WNT10A: variants seen among roughly 807,000 people sequenced by gnomAD.
WNT10A encodes the protein protein Wnt-10a.
Under a neutral mutation model 36.1 loss-of-function variants are expected in WNT10A, and 37 were observed. That is an observed-to-expected ratio of 1.02 (90% CI 0.79 to 1.35). The LOEUF is 1.35. Ranked by LOEUF, WNT10A falls within the 40% of genes most tolerant of loss-of-function variation. The pLI, the probability that WNT10A is intolerant of heterozygous loss-of-function variation, is 0.00. For missense variants in WNT10A, 613 were observed against 601.4 expected (o/e 1.02, Z -0.20); for synonymous variants, 255 against 254.1 (o/e 1.00, Z -0.03).
chr2:218,890,787 C>G (rs1367940812), intron 3 of WNT10A, among the ~76,000 whole-genome samples: 1 of 152,160 alleles, frequency 6.6e-6, no homozygotes, highest in Non-Finnish European at 1.5e-5. Flanking sequence ...ATCCAGTGAT[C>G]TCTCCCAGCC....
At chr2:218,882,023 G>A in intron 1 of WNT10A, 138 bp from the exon 2 acceptor site, 3 of 1,150,284 alleles carry the variant, frequency 2.6e-6, no homozygotes, top group South Asian at 1.5e-5. Context: ...GTGTAGGAGT[G>A]TACTGATGGG....
chr2:218,890,090 G>T lies in WNT10A; in HGVS notation c.483G>T (p.Ala161=). The T allele has an allele frequency of 6.2e-7, 1 of 1,614,170 alleles. No individual in the cohort carries two copies. Among genetic ancestry groups the T allele is most frequent in the African/African-American group, 1.3e-5 (1 of 75,070 alleles). Residue 161 remains alanine (A), a synonymous_variant, in exon 3 of 4, where the codon GCG becomes GCT. Transcript: ENST00000258411. ...AACTGAAGGCCTGTGGCTGTGATGCGTCCCGGCGAGGGGACGAGGAGGCCT... is the reference window on the plus strand; with the variant it reads ...AACTGAAGGCCTGTGGCTGTGATGCTTCCCGGCGAGGGGACGAGGAGGCCT... The part of the protein sequence containing the change: ...LGKLKACGCD[A]SRRGDEEAFR...
chr2:218,888,032 G>A (rs1348230435), intron 2 of WNT10A, among the ~76,000 whole-genome samples: 2 of 152,198 alleles, frequency 1.3e-5, no homozygotes. Context: ...CTACTAAACA[G>A]CTTGTTCTGT....
At chr2:218,884,589 C>T (rs1229381014) in intron 2 of WNT10A, among the ~76,000 whole-genome samples, 2 of 152,194 alleles carry the variant, frequency 1.3e-5, no homozygotes, top group Non-Finnish European at 2.9e-5. Flanking sequence ...CTCTGTGCTT[C>T]TGGAAATAAA....
intron 2 of WNT10A, among the ~76,000 whole-genome samples, chr2:218,887,074 A>C (rs765103290): frequency 5.9e-5 from 9 of 152,228 alleles, no homozygotes; most frequent in Non-Finnish European, 1.3e-4. Flanking sequence ...TGCCATGCAC[A>C]GACAAGTCGA....
chr2:218,888,424 G>A (rs1002335712), intron 2 of WNT10A, among the ~76,000 whole-genome samples: 3 of 152,234 alleles, frequency 2.0e-5, no homozygotes, highest in African/African-American at 7.2e-5. Context: ...CGGCCTAGCC[G>A]CGGCCCCCAA....
chr2:218,892,564 C>G (rs1238876125), intron 3 of WNT10A, among the ~76,000 whole-genome samples: 1 of 152,134 alleles, frequency 6.6e-6, no homozygotes, highest in Non-Finnish European at 1.5e-5. Context: ...CGGGGCCTGG[C>G]CTGGTGGGAG....
chr2:218,882,556 C>T (rs868265160), intron 2 of WNT10A, 133 bp downstream of exon 2: 1 of 1,202,408 alleles, frequency 8.3e-7, no homozygotes, highest in Middle Eastern at 2.6e-4. Flanking sequence ...GTTGGCCCTG[C>T]TGCTCTCCTT....
At position 218,880,897 on chromosome 2, in the gene WNT10A, C is replaced by T. The variant is rs1405010523; in HGVS notation, c.-99C>T. Reference sequence around the variant, plus strand: ...CCCGAGTCGGAGCTGTGTGTCGCAGCCGCCCCGACCCCCCGCCGATCATGC... The same window carrying T: ...CCCGAGTCGGAGCTGTGTGTCGCAGTCGCCCCGACCCCCCGCCGATCATGC... On this transcript the variant is annotated 5_prime_UTR_variant, in exon 1 of 4. Transcript: ENST00000258411. The surrounding 1 kb of genome is among the most constrained non-coding windows in gnomAD (Gnocchi z 7.7). 18 of 1,394,828 alleles carry T rather than the reference C, an allele frequency of 1.3e-5. No individual in the cohort carries two copies. The highest frequency in any genetic ancestry group is 1.6e-5 in the Non-Finnish European group (17 of 1,064,092). 86.4% of individuals were successfully genotyped at this position (1,394,828 alleles called of 1,614,324 possible).
chr2:218,874,152 C>T, the WNT10A span: 20 of 375,168 alleles, frequency 5.3e-5, no homozygotes, highest in East Asian at 6.6e-4. Flanking sequence ...AGTCTAAAGG[C>T]CTCTGGATAC....
rs1391749559 is a variant in WNT10A at position 218,882,239 on chromosome 2, G to C, written c.192G>C (p.Leu64Phe). The stretch of plus-strand genomic sequence containing the variant: ...ATGCCAACACAGTGTGCCTAACATT[G>C]CCAGGCCTGAGCCGGCGGCAGATGG... Reference protein sequence around the residue: ...VLNANTVCLTLPGLSRRQMEV... With the variant: ...VLNANTVCLTFPGLSRRQMEV... The change falls in exon 2 of 4, where the codon TTG becomes TTC. Residue 64 changes from leucine to phenylalanine, a missense_variant. Coordinates refer to ENST00000258411, the MANE Select transcript of WNT10A (RefSeq NM_025216.3). 7 of 1,614,016 alleles carry C rather than the reference G, an allele frequency of 4.3e-6. No homozygotes were observed. Among genetic ancestry groups the C allele is most frequent in the African/African-American group, 1.3e-5 (1 of 74,894 alleles).
At chr2:218,890,515 C>G in intron 3 of WNT10A, 152 bp downstream of exon 3, 1 of 1,173,566 alleles carries the variant, frequency 8.5e-7, no homozygotes, top group Non-Finnish European at 1.2e-6. Context: ...CAAACATGCA[C>G]TGAGTATGCA....
Position 218,889,829 on chromosome 2 carries a change from G to A in WNT10A, c.377-155G>A, listed in dbSNP as rs149816874. ...CTGTTTGCAGAAGAACTGGCTTCTGGCGTGATTTCTGCCCTTCTTTGACTC... is the reference window on the plus strand; with the variant it reads ...CTGTTTGCAGAAGAACTGGCTTCTGACGTGATTTCTGCCCTTCTTTGACTC... On this transcript the variant is annotated intron_variant, in intron 2 of 3. Coordinates refer to ENST00000258411, the MANE Select transcript of WNT10A (RefSeq NM_025216.3). Among the ~76,000 whole-genome samples the A allele has an allele frequency of 2.0e-3, 297 of 152,282 alleles. 3 individuals carry two copies. Among genetic ancestry groups the A allele is most frequent in the Middle Eastern group, 6.8e-3 (2 of 294 alleles).
chr2:218,886,184 C>G (rs994739520), intron 2 of WNT10A, among the ~76,000 whole-genome samples: 1 of 152,044 alleles, frequency 6.6e-6, no homozygotes, highest in Non-Finnish European at 1.5e-5. Flanking sequence ...GGGAGCATGC[C>G]AAGAAGTGAA....
At chr2:218,889,083 C>T (rs1944615041) in intron 2 of WNT10A, among the ~76,000 whole-genome samples, 1 of 152,168 alleles carries the variant, frequency 6.6e-6, no homozygotes, top group African/African-American at 2.4e-5. Flanking sequence ...TCACACCCAA[C>T]CTTTCCCCAA....
intron 2 of WNT10A, 38 bp from the exon 3 acceptor site, chr2:218,889,946 C>A (rs368482254): frequency 6.2e-7 from 1 of 1,611,190 alleles, no homozygotes; most frequent in African/African-American, 1.3e-5. Flanking sequence ...GTGTCAAGGC[C>A]CCTCCAGAGT....
At chr2:218,891,616 C>T (rs1944651743) in intron 3 of WNT10A, among the ~76,000 whole-genome samples, 1 of 151,888 alleles carries the variant, frequency 6.6e-6, no homozygotes, top group African/African-American at 2.4e-5. Flanking sequence ...AACGGTGCCT[C>T]CTCCTCCTCC....
At chr2:218,891,042 AC>A (rs1032222158) in intron 3 of WNT10A, among the ~76,000 whole-genome samples, 20 of 152,230 alleles carry the variant, frequency 1.3e-4, no homozygotes, top group African/African-American at 4.8e-4. Flanking sequence ...TGTGTTAGGC[AC>A]TGTCTTGAGC....
At position 218,889,392 on chromosome 2, in the gene WNT10A, C is replaced by T. The variant is rs143313748; in HGVS notation, c.377-592C>T. Among the ~76,000 whole-genome samples the T allele has an allele frequency of 2.5e-3, 381 of 152,296 alleles. 1 individual carries two copies. The highest frequency in any genetic ancestry group is 3.9e-3 in the Non-Finnish European group (264 of 68,028). On this transcript the variant is annotated intron_variant, in intron 2 of 3. Coordinates refer to ENST00000258411, the MANE Select transcript of WNT10A (RefSeq NM_025216.3). Reference sequence around the variant, plus strand: ...TTGTACTGCTGTAAACATGCGTGTGCAAGTATCTTTTTCGTATAATGACTT... The same window carrying T: ...TTGTACTGCTGTAAACATGCGTGTGTAAGTATCTTTTTCGTATAATGACTT...
Sources: gnomAD v4.1 joint callset for allele counts (sites outside exome capture counted in the v4.1 genomes callset) on GRCh38, gnomAD v4.1.1 for gene constraint, Gnocchi (gnomAD v3.1) non-coding constraint, MANE v1.5 for transcripts, NCBI Gene and HGNC (gene_info 2026-07-23, HGNC 2026-07-21) for gene names.